Variants in DRAXIN observed in about 807,000 individuals in gnomAD.
The protein encoded by DRAXIN is dorsal inhibitory axon guidance protein.
In DRAXIN, 27 loss-of-function variants were observed where a neutral mutation model predicts 33.9. The observed-to-expected ratio is 0.80, with a 90% CI of 0.59 to 1.10. DRAXIN has a LOEUF of 1.10. Among genes scored for constraint, DRAXIN ranks in the 50% least tolerant of loss-of-function variants. DRAXIN has a pLI of 0.00. For synonymous variants in DRAXIN, 178 were observed against 194.0 expected (o/e 0.92, Z 0.69); for missense variants, 371 against 460.8 (o/e 0.81, Z 1.78).
intron 1 of DRAXIN, among the ~76,000 whole-genome samples, chr1:11,703,062 T>G (rs539777182): frequency 2.0e-4 from 30 of 152,360 alleles, no homozygotes; most frequent in Admixed American, 3.3e-4. Context: ...AATTGGATTG[T>G]GCTCAATCCA....
At chr1:11,693,194 C>G (rs1275597503) in intron 1 of DRAXIN, among the ~76,000 whole-genome samples, 1 of 152,008 alleles carries the variant, frequency 6.6e-6, no homozygotes, top group Non-Finnish European at 1.5e-5. Flanking sequence ...CTAAAACAAT[C>G]AGGGCCAATG....
Position 11,721,334 on chromosome 1 carries a change from C to T in DRAXIN, c.*1638C>T, listed in dbSNP as rs1641657483. On this transcript the variant is annotated 3_prime_UTR_variant, in exon 7 of 7. Transcript: ENST00000294485. ...CCAGACTCACAATGCCCACCCAGGA[C>T]ATCTGTCCCAGCAGATCTGGCTTCA... 6.6e-6 allele frequency: 1 copy of T among 152,236 alleles called. No homozygotes were observed. The highest frequency in any genetic ancestry group is 1.5e-5 in the Non-Finnish European group (1 of 68,062). 9.4% of individuals were successfully genotyped at this position (152,236 alleles called of 1,614,324 possible). A position where few individuals can be genotyped will look rare whatever the true frequency, so the allele number is the denominator to read the frequency against.
chr1:11,708,673 C>T (rs952781030), intron 2 of DRAXIN, among the ~76,000 whole-genome samples: 3 of 152,172 alleles, frequency 2.0e-5, no homozygotes, highest in Non-Finnish European at 2.9e-5. Context: ...GTTTCCTTCC[C>T]TGTAGATGAG....
intron 5 of DRAXIN, among the ~76,000 whole-genome samples, chr1:11,713,065 G>T (rs1206880035): frequency 5.9e-5 from 9 of 152,078 alleles, no homozygotes; most frequent in African/African-American, 2.2e-4. Flanking sequence ...GGGCATGGTG[G>T]TGTGCGCCTG....
In DRAXIN at chr1:11,712,426, C is replaced by G; in HGVS notation, c.844C>G (p.Pro282Ala). 1 of 1,614,028 alleles carries G rather than the reference C, an allele frequency of 6.2e-7. No homozygotes were observed. The change falls in exon 5 of 7, where the codon CCA (proline) becomes GCA (alanine). Residue 282 changes from proline to alanine, a missense_variant. Transcript: ENST00000294485. Reference protein sequence around the residue: ...EPCDHHQDCLPGTCCDLREHL... With the variant: ...EPCDHHQDCLAGTCCDLREHL... Reference sequence around the variant, plus strand: ...ATGCGACCATCACCAAGACTGCCTGCCAGGTACCAGCCAGCACCCACATTC... The same window carrying G: ...ATGCGACCATCACCAAGACTGCCTGGCAGGTACCAGCCAGCACCCACATTC...
chr1:11,712,826 C>T (rs1041815715), intron 5 of DRAXIN, among the ~76,000 whole-genome samples: 18 of 151,910 alleles, frequency 1.2e-4, no homozygotes, highest in Admixed American at 1.1e-3. Context: ...TCGCTTGAAC[C>T]TGCAAGGCAG....
In DRAXIN at chr1:11,703,367, AGG is replaced by A. The variant is rs1260058672; in HGVS notation, c.-10-2880_-10-2879del. On this transcript the variant is annotated intron_variant, in intron 1 of 6. Coordinates refer to ENST00000294485, the MANE Select transcript of DRAXIN (RefSeq NM_198545.4). ...GGCAGGACGTGGACGGAGAGAGATG[AGG>A]GAGAGGGGGAGAGGTTCCATGCAGA... Among the ~76,000 whole-genome samples the A allele has an allele frequency of 5.3e-5, 8 of 152,198 alleles. No individual in the cohort carries two copies. The East Asian group carries it at 1.4e-3, about 26-fold the overall frequency.
At chr1:11,698,431 G>T (rs1641225251) in intron 1 of DRAXIN, among the ~76,000 whole-genome samples, 1 of 152,134 alleles carries the variant, frequency 6.6e-6, no homozygotes, top group South Asian at 2.1e-4. Flanking sequence ...CTGCAGAGTG[G>T]CCACACTCTG....
chr1:11,715,111 G>T lies in DRAXIN; in HGVS notation c.848-8G>T. ...TTGGCTGACTGCGTGTGCTCTCTGT[G>T]TTGGCAGGGACTTGCTGCGACCTGC... On this transcript the variant is annotated splice_polypyrimidine_tract_variant and splice_region_variant and intron_variant, in intron 5 of 6. Transcript: ENST00000294485. 1 of 1,614,240 alleles carries T rather than the reference G, an allele frequency of 6.2e-7. No homozygotes were observed. Among genetic ancestry groups the T allele is most frequent in the East Asian group, 2.2e-5 (1 of 44,884 alleles).
rs1215340176 is a variant in DRAXIN, at chr1:11,720,816, A to T, written c.*1120A>T. Reference sequence around the variant, plus strand: ...TTCCAGATTCTCTAAGGCTTTTGGCAAGAGAGGCTCACACCCTGGTATTCC... The same window carrying T: ...TTCCAGATTCTCTAAGGCTTTTGGCTAGAGAGGCTCACACCCTGGTATTCC... On this transcript the variant is annotated 3_prime_UTR_variant, in exon 7 of 7. Transcript: ENST00000294485. 6.6e-6 allele frequency: 1 copy of T among 152,176 alleles called. No individual in the cohort carries two copies. The highest frequency in any genetic ancestry group is 1.5e-5 in the Non-Finnish European group (1 of 68,042). The allele number at this position is 152,176 out of a possible 1,614,324, so 9.4% of individuals were successfully genotyped here.
intron 5 of DRAXIN, 113 bp from the exon 6 acceptor site, chr1:11,715,006 A>G (rs1641553289): frequency 1.6e-6 from 2 of 1,285,680 alleles, no homozygotes; most frequent in South Asian, 2.5e-5. Context: ...CCACCCCGCC[A>G]GGGCGCGGCC....
Position 11,708,282 on chromosome 1 carries a change from C to T in DRAXIN, c.452-993C>T, listed in dbSNP as rs1416916444. 3.9e-5 allele frequency among the ~76,000 whole-genome samples: 6 copies of T among 152,296 alleles called. No homozygotes were observed. In the South Asian group the frequency reaches 8.3e-4, roughly 21 times the overall value. On this transcript the variant is annotated intron_variant, in intron 2 of 6. Transcript: ENST00000294485. ...GGAGGTGGGGAACGGAGAAGGTTTG[C>T]GGGCTAGGCCCTGCTCTGCTAATGA...
chr1:11,715,191 A>G lies in DRAXIN; in HGVS notation c.920A>G (p.Asp307Gly). 6.2e-7 allele frequency: 1 copy of G among 1,614,216 alleles called. No homozygotes were observed. The highest frequency in any genetic ancestry group is 8.5e-7 in the Non-Finnish European group (1 of 1,180,044). The part of the protein sequence containing the change: ...NRGLNNKCFD[D>G]CMCVEGLRCY... ...GGCCTCAACAACAAATGCTTCGATGACTGCATGTGTGTGGAAGGTGGGTCC... is the reference window on the plus strand; with the variant it reads ...GGCCTCAACAACAAATGCTTCGATGGCTGCATGTGTGTGGAAGGTGGGTCC... Residue 307 changes from aspartate (D) to glycine (G), a missense_variant, in exon 6 of 7, where the codon GAC becomes GGC. Physicochemically the swap from Asp to Gly is moderately conservative, Grantham distance 94. Transcript: ENST00000294485.
chr1:11,715,136 C>A lies in DRAXIN; in HGVS notation c.865C>A (p.Arg289=). 1 of 1,614,234 alleles carries A rather than the reference C, an allele frequency of 6.2e-7. No homozygotes were observed. The highest frequency in any genetic ancestry group is 8.5e-7 in the Non-Finnish European group (1 of 1,180,040). The change falls in exon 6 of 7, where the codon CGG becomes AGG. Residue 289 remains arginine, a synonymous_variant. Transcript: ENST00000294485. ...DCLPGTCCDL[R]EHLCTPHNRG... is the part of the protein sequence containing the mutation. Reference sequence around the variant, plus strand: ...GTTGGCAGGGACTTGCTGCGACCTGCGGGAGCATCTCTGCACACCCCACAA... The same window carrying A: ...GTTGGCAGGGACTTGCTGCGACCTGAGGGAGCATCTCTGCACACCCCACAA...
Position 11,692,477 on chromosome 1 carries a change from C to T in DRAXIN, c.-11+624C>T, listed in dbSNP as rs113934940. Among the ~76,000 whole-genome samples, 1 of 152,210 alleles carries T rather than the reference C, an allele frequency of 6.6e-6. No individual in the cohort carries two copies. Among genetic ancestry groups the T allele is most frequent in the South Asian group, 2.1e-4 (1 of 4,826 alleles). On this transcript the variant is annotated intron_variant, in intron 1 of 6. Coordinates refer to ENST00000294485, the MANE Select transcript of DRAXIN (RefSeq NM_198545.4). The surrounding 1 kb of genome is among the most constrained non-coding windows in gnomAD (Gnocchi z 5.8). ...GCCCAGGAAGGTACTCAGCCTGGCT[C>T]CCCCGACGGCGCTGGTCTTTCGCCT...
Sources: gnomAD v4.1 joint callset for allele counts (sites outside exome capture counted in the v4.1 genomes callset) on GRCh38, gnomAD v4.1.1 for gene constraint, Gnocchi (gnomAD v3.1) non-coding constraint, MANE v1.5 for transcripts, NCBI Gene and HGNC (gene_info 2026-07-23, HGNC 2026-07-21) for gene names.